GRK5: variants seen among roughly 807,000 people sequenced by gnomAD.
The protein encoded by GRK5 is g protein-coupled receptor kinase GRK5.
GRK5 carries 40 observed loss-of-function variants against 78.4 expected under a neutral mutation model. That is an observed-to-expected ratio of 0.51 (90% CI 0.40 to 0.66). The LOEUF (loss-of-function observed/expected upper bound fraction) is 0.66. Ranked by LOEUF, GRK5 falls within the 30% of genes least tolerant of loss-of-function variation. GRK5 has a pLI of 0.00. For missense variants in GRK5, 598 were observed against 759.9 expected (o/e 0.79, Z 2.50); for synonymous variants, 289 against 296.8 (o/e 0.97, Z 0.27).
Position 119,252,099 on chromosome 10 carries a change from C to T in GRK5, c.52+44130C>T, listed in dbSNP as rs112105902. 2.5e-3 allele frequency among the ~76,000 whole-genome samples: 381 copies of T among 152,354 alleles called. 2 individuals carry two copies. Among genetic ancestry groups the T allele is most frequent in the African/African-American group, 8.5e-3 (352 of 41,584 alleles). ...ATGTCTTCACTCTCCCTGACCATCC[C>T]TCTTGCTGCTGGCCTGCGTGGCGTG... On this transcript the variant is annotated intron_variant, in intron 1 of 15. Coordinates refer to ENST00000392870, the MANE Select transcript of GRK5 (RefSeq NM_005308.3).
chr10:119,423,300 G>C (rs564831112), intron 5 of GRK5, 34 bp downstream of exon 5: 2 of 1,489,454 alleles, frequency 1.3e-6, no homozygotes, highest in African/African-American at 1.4e-5. Flanking sequence ...TGTCCTCCCC[G>C]GGCTGCCCAG....
At chr10:119,425,666 A>G (rs1235632173) in intron 6 of GRK5, among the ~76,000 whole-genome samples, 2 of 152,336 alleles carry the variant, frequency 1.3e-5, no homozygotes, top group South Asian at 4.1e-4. Context: ...CCTCAGCTTC[A>G]TCAATGCTGT....
intron 2 of GRK5, among the ~76,000 whole-genome samples, chr10:119,373,870 C>G (rs560053065): frequency 6.6e-6 from 1 of 152,172 alleles, no homozygotes; most frequent in East Asian, 1.9e-4. Flanking sequence ...TGCAATAATA[C>G]GAGTGTGCCT....
chr10:119,370,232 C>G (rs1267069388), intron 2 of GRK5, among the ~76,000 whole-genome samples: 3 of 152,180 alleles, frequency 2.0e-5, no homozygotes, highest in African/African-American at 7.2e-5. Context: ...CTTTCCTCCC[C>G]ACTGTCCCCG....
At chr10:119,322,441 G>A (rs888584231) in intron 1 of GRK5, among the ~76,000 whole-genome samples, 1 of 152,202 alleles carries the variant, frequency 6.6e-6, no homozygotes, top group Non-Finnish European at 1.5e-5. Flanking sequence ...GCTGGGGTTG[G>A]GAACCACTGA....
chr10:119,459,406 CCCA>C lies in GRK5; in HGVS notation c.*4340_*4342del, dbSNP rs767719116. The C allele has an allele frequency of 0.1, 15,675 of 152,258 alleles. 1,056 individuals are homozygous for C. The highest frequency in any genetic ancestry group is 0.25 in the East Asian group (1,305 of 5,180). 9.4% of individuals were successfully genotyped at this position (152,258 alleles called of 1,614,324 possible). The stretch of plus-strand genomic sequence containing the variant: ...CCCTGGCAGAGAAAGACACTTCCCC[CCCA>C]AAGTGGAATTTAGATGTCTTTCCCT... On this transcript the variant is annotated 3_prime_UTR_variant, in exon 16 of 16. Coordinates refer to ENST00000392870, the MANE Select transcript of GRK5 (RefSeq NM_005308.3).
intron 1 of GRK5, among the ~76,000 whole-genome samples, chr10:119,312,589 T>C (rs574967001): frequency 6.6e-6 from 1 of 152,294 alleles, no homozygotes; most frequent in African/African-American, 2.4e-5. Flanking sequence ...GGCAGGAACA[T>C]GCCTGGGGTG....
chr10:119,237,428 T>C (rs956891354), intron 1 of GRK5, among the ~76,000 whole-genome samples: 4 of 152,236 alleles, frequency 2.6e-5, no homozygotes, highest in African/African-American at 7.2e-5. Flanking sequence ...AAATAAGCAC[T>C]ATGGCCAGCA....
chr10:119,409,821 A>G (rs1852304466), intron 4 of GRK5, among the ~76,000 whole-genome samples: 1 of 152,190 alleles, frequency 6.6e-6, no homozygotes, highest in African/African-American at 2.4e-5. Flanking sequence ...GGAAGAAGGA[A>G]AGTTGGCGGG....
chr10:119,274,175 C>T (rs2133678949), intron 1 of GRK5, among the ~76,000 whole-genome samples: 1 of 152,288 alleles, frequency 6.6e-6, no homozygotes, highest in Non-Finnish European at 1.5e-5. Context: ...TCCCAACCCA[C>T]CCATGCCGCT....
At position 119,447,739 on chromosome 10, in the gene GRK5, A is replaced by G. The variant is rs759063222; in HGVS notation, c.1267-384A>G. On this transcript the variant is annotated intron_variant, in intron 12 of 15. Transcript: ENST00000392870. The stretch of plus-strand genomic sequence containing the variant: ...TGTCAGGAAGGGGCTTGCACCCAGG[A>G]GGTACAACTCTGCAAATTAGCTGAG... Among the ~76,000 whole-genome samples the G allele has an allele frequency of 6.6e-4, 101 of 152,208 alleles. 1 individual carries two copies. The highest frequency in any genetic ancestry group is 1.8e-4 in the Non-Finnish European group (12 of 68,036).
chr10:119,322,575 C>T (rs977778419), intron 1 of GRK5, among the ~76,000 whole-genome samples: 18 of 152,182 alleles, frequency 1.2e-4, no homozygotes, highest in Admixed American at 6.5e-5. Context: ...CCTATGTTAA[C>T]TTTCTTAATG....
chr10:119,225,773 C>T (rs949073701), intron 1 of GRK5, among the ~76,000 whole-genome samples: 3 of 150,660 alleles, frequency 2.0e-5, no homozygotes, highest in South Asian at 2.1e-4. Context: ...TGGGTTCAAG[C>T]AATTCTCCTG....
chr10:119,421,723 A>C lies in GRK5; in HGVS notation c.340-1443A>C, dbSNP rs186383733. Among the ~76,000 whole-genome samples, 5 of 152,340 alleles carry C rather than the reference A, an allele frequency of 3.3e-5. No individual in the cohort carries two copies. In the East Asian group the frequency reaches 9.6e-4, roughly 29 times the overall value. On this transcript the variant is annotated intron_variant, in intron 4 of 15. Coordinates refer to ENST00000392870, the MANE Select transcript of GRK5 (RefSeq NM_005308.3). ...GGTGTTTACTGTCACAGCAGCTCGC[A>C]TCCACACTGCAGGCTGCCCCCCAAG...
At chr10:119,366,786 T>C (rs1851457636) in intron 2 of GRK5, among the ~76,000 whole-genome samples, 1 of 152,216 alleles carries the variant, frequency 6.6e-6, no homozygotes, top group African/African-American at 2.4e-5. Flanking sequence ...ACTGATGTGA[T>C]GTCATCCACC....
chr10:119,271,150 C>T lies in GRK5; in HGVS notation c.53-55366C>T, dbSNP rs537645672. Among the ~76,000 whole-genome samples the T allele has an allele frequency of 8.0e-4, 122 of 152,318 alleles. No individual in the cohort carries two copies. The highest frequency in any genetic ancestry group is 2.7e-3 in the African/African-American group (113 of 41,574). On this transcript the variant is annotated intron_variant, in intron 1 of 15. Coordinates refer to ENST00000392870, the MANE Select transcript of GRK5 (RefSeq NM_005308.3). The surrounding 1 kb of genome is among the most constrained non-coding windows in gnomAD (Gnocchi z 4.1). ...ATAGCACCAGGACCTGGGGTGGCGCCGGCGCCGTTAGGGAGGGAGTGTTCA... is the reference window on the plus strand; with the variant it reads ...ATAGCACCAGGACCTGGGGTGGCGCTGGCGCCGTTAGGGAGGGAGTGTTCA...
chr10:119,415,964 C>A (rs1227072588), intron 4 of GRK5, among the ~76,000 whole-genome samples: 14 of 152,218 alleles, frequency 9.2e-5, no homozygotes. Flanking sequence ...ACTCCTGAAT[C>A]TCTGAACGAG....
At chr10:119,283,106 T>C (rs926981520) in intron 1 of GRK5, among the ~76,000 whole-genome samples, 1 of 152,194 alleles carries the variant, frequency 6.6e-6, no homozygotes, top group African/African-American at 2.4e-5. Context: ...TAAAATGCCC[T>C]AAGAAAGCTA....
chr10:119,410,107 G>A (rs1204350468), intron 4 of GRK5, among the ~76,000 whole-genome samples: 1 of 152,270 alleles, frequency 6.6e-6, no homozygotes, highest in African/African-American at 2.4e-5. Context: ...GGGCCTGCGG[G>A]TCACGACCAG....
Sources: gnomAD v4.1 joint callset for allele counts (sites outside exome capture counted in the v4.1 genomes callset) on GRCh38, gnomAD v4.1.1 for gene constraint, Gnocchi (gnomAD v3.1) non-coding constraint, MANE v1.5 for transcripts, NCBI Gene and HGNC (gene_info 2026-07-23, HGNC 2026-07-21) for gene names.